PRKCA: variants seen among roughly 807,000 people sequenced by gnomAD.
The protein encoded by PRKCA is protein kinase C alpha.
PRKCA carries 27 observed loss-of-function variants against 87.0 expected under a neutral mutation model. The observed-to-expected ratio is 0.31, with a 90% CI of 0.23 to 0.43. The LOEUF (loss-of-function observed/expected upper bound fraction) is 0.43, where lower values mean the gene tolerates loss of function less well. Among genes scored for constraint, PRKCA ranks in the 20% least tolerant of loss-of-function variants. PRKCA has a pLI of 1.00. For missense variants in PRKCA, 518 were observed against 852.3 expected (o/e 0.61, Z 4.88); for synonymous variants, 329 against 311.1 (o/e 1.06, Z -0.61).
chr17:66,462,000 G>A (rs1459025178), intron 2 of PRKCA, among the ~76,000 whole-genome samples: 1 of 152,130 alleles, frequency 6.6e-6, no homozygotes, highest in Non-Finnish European at 1.5e-5. Context: ...CTGTTTCCGT[G>A]AACAGTGTCT....
chr17:66,752,169 G>C (rs904324441), intron 13 of PRKCA, among the ~76,000 whole-genome samples: 5 of 152,218 alleles, frequency 3.3e-5, no homozygotes, highest in African/African-American at 9.6e-5. Context: ...AACTTTGAGG[G>C]CTCAGTGAGT....
chr17:66,732,762 T>G lies in PRKCA; in HGVS notation c.993T>G (p.Leu331=). 1 of 1,614,148 alleles carries G rather than the reference T, an allele frequency of 6.2e-7. No individual in the cohort carries two copies. The highest frequency in any genetic ancestry group is 8.5e-7 in the Non-Finnish European group (1 of 1,180,018). The change falls in exon 9 of 17, where the codon CTT becomes CTG. Residue 331 remains leucine (L), a synonymous_variant. Transcript: ENST00000413366. ...ACAGGAAACAACCTTCCAACAACCT[T>G]GACCGAGTGAAACTCACGGACTTCA... ...SEDRKQPSNN[L]DRVKLTDFNF... is the part of the protein sequence containing the mutation.
At chr17:66,426,171 G>A (rs987937911) in intron 2 of PRKCA, among the ~76,000 whole-genome samples, 5 of 152,202 alleles carry the variant, frequency 3.3e-5, no homozygotes, top group African/African-American at 1.2e-4. Flanking sequence ...GTCTAGGATA[G>A]AGGTGAACAT....
intron 3 of PRKCA, among the ~76,000 whole-genome samples, chr17:66,592,624 CTG>C (rs1160816047): frequency 6.6e-6 from 1 of 152,136 alleles, no homozygotes; most frequent in African/African-American, 2.4e-5. Context: ...TCAGGCAAGA[CTG>C]GAGCATGAAC....
At chr17:66,585,031 G>GT (rs1278181422) in intron 3 of PRKCA, among the ~76,000 whole-genome samples, 3 of 150,994 alleles carry the variant, frequency 2.0e-5, no homozygotes, top group African/African-American at 7.3e-5. Flanking sequence ...GGGCTCCTGA[G>GT]TGAGTCTTCC....
Position 66,534,653 on chromosome 17 carries a change from C to T in PRKCA, c.288+38370C>T, listed in dbSNP as rs551517946. 1.1e-3 allele frequency among the ~76,000 whole-genome samples: 173 copies of T among 152,154 alleles called. 1 individual carries two copies. Among genetic ancestry groups the T allele is most frequent in the Non-Finnish European group, 2.0e-3 (134 of 67,996 alleles). On this transcript the variant is annotated intron_variant, in intron 3 of 16. Coordinates refer to ENST00000413366, the MANE Select transcript of PRKCA (RefSeq NM_002737.3). ...CTGCACTCCAGCCTGGGTGACAGAG[C>T]AAGACTCTGTCTCAAAAAAGAAAAG...
chr17:66,528,469 A>G (rs1967424320), intron 3 of PRKCA, among the ~76,000 whole-genome samples: 1 of 152,144 alleles, frequency 6.6e-6, no homozygotes, highest in South Asian at 2.1e-4. Context: ...TGTAATCACA[A>G]AGGACCTTCT....
chr17:66,712,884 A>G (rs904336204), intron 8 of PRKCA, among the ~76,000 whole-genome samples: 1 of 152,078 alleles, frequency 6.6e-6, no homozygotes, highest in Non-Finnish European at 1.5e-5. Context: ...GGTGCCTAGA[A>G]CAGTGCCTGG....
chr17:66,492,819 G>C (rs148554338), intron 2 of PRKCA, among the ~76,000 whole-genome samples: 391 of 152,358 alleles, frequency 2.6e-3, no homozygotes, highest in Non-Finnish European at 4.4e-3. Context: ...CTCAGGGCTT[G>C]TAGGAGCTAA....
intron 3 of PRKCA, among the ~76,000 whole-genome samples, chr17:66,524,247 G>C (rs1325060199): frequency 6.6e-6 from 1 of 152,226 alleles, no homozygotes; most frequent in Non-Finnish European, 1.5e-5. Context: ...AAGGGGCATT[G>C]TTCAGTGGAA....
intron 3 of PRKCA, among the ~76,000 whole-genome samples, chr17:66,556,599 T>A (rs1968502658): frequency 6.6e-6 from 1 of 152,196 alleles, no homozygotes; most frequent in South Asian, 2.1e-4. Context: ...CACCTTGATT[T>A]GTATCAAGAG....
chr17:66,578,805 T>C (rs1485809112), intron 3 of PRKCA, among the ~76,000 whole-genome samples: 3 of 152,210 alleles, frequency 2.0e-5, no homozygotes, highest in African/African-American at 7.2e-5. Flanking sequence ...CCTGTCTCTC[T>C]GGTCTTGTGC....
chr17:66,562,145 ATAATTAAATTATATATAT>A (rs1346559079), intron 3 of PRKCA, among the ~76,000 whole-genome samples: 1 of 86,430 alleles, frequency 1.2e-5, no homozygotes, highest in Non-Finnish European at 2.2e-5. Context: ...AATTATATAT[ATAATTAAATTATATATAT>A]AATTAAATAT....
intron 3 of PRKCA, among the ~76,000 whole-genome samples, chr17:66,541,156 A>G (rs796711900): frequency 2.6e-5 from 4 of 152,298 alleles, no homozygotes; most frequent in Admixed American, 1.3e-4. Context: ...CTAGTAAGAT[A>G]GTTTGAACAA....
chr17:66,378,292 C>T (rs534619276), intron 2 of PRKCA, among the ~76,000 whole-genome samples: 3 of 152,106 alleles, frequency 2.0e-5, no homozygotes, highest in South Asian at 4.1e-4. Context: ...CCAGCCTGGG[C>T]GACAGAGCGA....
intron 2 of PRKCA, chr17:66,414,874 T>C (rs1912044322): frequency 6.6e-6 from 1 of 152,156 alleles, no homozygotes; most frequent in South Asian, 2.1e-4. Flanking sequence ...CACTAGAAAT[T>C]GTTTTTAAAG....
At chr17:66,423,053 G>A (rs1233709563) in intron 2 of PRKCA, among the ~76,000 whole-genome samples, 4 of 152,130 alleles carry the variant, frequency 2.6e-5, no homozygotes, top group African/African-American at 9.7e-5. Context: ...GGAGGTTGCA[G>A]TGAGCCCAGA....
chr17:66,776,397 G>T (rs149226689), intron 14 of PRKCA, among the ~76,000 whole-genome samples: 1 of 152,066 alleles, frequency 6.6e-6, no homozygotes, highest in South Asian at 2.1e-4. Context: ...TGCACCCTCC[G>T]CCTCCCAGGT....
At chr17:66,458,700 C>G (rs947788019) in intron 2 of PRKCA, among the ~76,000 whole-genome samples, 4 of 152,058 alleles carry the variant, frequency 2.6e-5, no homozygotes, top group African/African-American at 4.8e-5. Context: ...AGGTTGGTCT[C>G]AAACTCCTGA....
Sources: allele counts gnomAD v4.1 joint callset (sites outside exome capture counted in the v4.1 genomes callset), GRCh38; gene constraint gnomAD v4.1.1; transcripts MANE v1.5; gene names NCBI Gene and HGNC (gene_info 2026-07-23, HGNC 2026-07-21).